DPYD: variants seen among roughly 807,000 people sequenced by gnomAD.
DPYD encodes the protein dihydropyrimidine dehydrogenase.
A neutral mutation model predicts 116.2 loss-of-function variants in DPYD; 109 were observed. The ratio of observed to expected loss-of-function variants is 0.94; its 90% CI spans 0.80 to 1.10. DPYD has a LOEUF of 1.10. Among genes scored for constraint, DPYD ranks in the 50% least tolerant of loss-of-function variants. The pLI is 0.00. For missense variants in DPYD, 1,302 were observed against 1,254.5 expected, an observed-to-expected ratio of 1.04 and a Z score of -0.57; for synonymous variants, 440 against 432.0, an observed-to-expected ratio of 1.02 and a Z score of -0.23.
In DPYD at chr1:97,116,946, C is replaced by T. The variant is rs567117203; in HGVS notation, c.2623-18314G>A. Among the ~76,000 whole-genome samples the T allele has an allele frequency of 3.1e-4, 45 of 145,514 alleles. No homozygotes were observed. In the South Asian group the frequency reaches 8.0e-3, roughly 26 times the overall value. ...GGTGGATCACCTGAGGTCAGGAGTT[C>T]GAGACCAGCCTAGCCAACATGGCGA... On this transcript the variant is annotated intron_variant, in intron 20 of 22. Transcript: ENST00000370192.
At chr1:97,826,493 A>G (rs1232613654) in intron 3 of DPYD, among the ~76,000 whole-genome samples, 1 of 152,024 alleles carries the variant, frequency 6.6e-6, no homozygotes, top group Non-Finnish European at 1.5e-5. Flanking sequence ...CTGTTTGTCT[A>G]TGTATTTACT....
chr1:97,254,605 G>A (rs1464394430), intron 18 of DPYD, among the ~76,000 whole-genome samples: 1 of 152,122 alleles, frequency 6.6e-6, no homozygotes, highest in Admixed American at 6.6e-5. Context: ...GCCAAAGGGT[G>A]TAAAATCCAG....
chr1:97,785,412 T>C (rs1441828961), intron 3 of DPYD, among the ~76,000 whole-genome samples: 1 of 152,178 alleles, frequency 6.6e-6, no homozygotes, highest in African/African-American at 2.4e-5. Flanking sequence ...ATGCATATTA[T>C]TCAATTTGAA....
In DPYD at chr1:97,515,831, A is replaced by G. The variant is rs759247778; in HGVS notation, c.1635T>C (p.Pro545=). Residue 545 remains proline (P), a synonymous_variant, in exon 13 of 23, where the codon CCT becomes CCC. Coordinates refer to ENST00000370192, the MANE Select transcript of DPYD (RefSeq NM_000110.4). The part of the protein sequence containing the change: ...VEMAGLKFIN[P]FGLASATPAT... ...CTGGAGTTGCGCTAGCAAGACCAAAAGGATTTATAAACTTCAATCCGGCCA... is the reference window on the plus strand; with the variant it reads ...CTGGAGTTGCGCTAGCAAGACCAAAGGGATTTATAAACTTCAATCCGGCCA... 5.2e-5 allele frequency: 84 copies of G among 1,612,928 alleles called. No individual in the cohort carries two copies. The highest frequency in any genetic ancestry group is 6.9e-5 in the Non-Finnish European group (81 of 1,179,324).
At chr1:97,084,374 A>G (rs900565912) in intron 21 of DPYD, among the ~76,000 whole-genome samples, 1 of 151,444 alleles carries the variant, frequency 6.6e-6, no homozygotes, top group Non-Finnish European at 1.5e-5. Context: ...CTTCATGAAG[A>G]TTTCCTTAAT....
intron 19 of DPYD, among the ~76,000 whole-genome samples, chr1:97,212,891 A>G (rs530304616): frequency 6.6e-6 from 1 of 152,288 alleles, no homozygotes; most frequent in Admixed American, 6.5e-5. Context: ...GACAGTAATA[A>G]CACCTGTCTT....
At chr1:97,466,676 T>A (rs1413286576) in intron 13 of DPYD, among the ~76,000 whole-genome samples, 1 of 152,020 alleles carries the variant, frequency 6.6e-6, no homozygotes, top group Non-Finnish European at 1.5e-5. Context: ...TGGGGCTAAA[T>A]GGGAAGTTAT....
chr1:97,110,232 G>A (rs1457580110), intron 20 of DPYD, among the ~76,000 whole-genome samples: 1 of 152,106 alleles, frequency 6.6e-6, no homozygotes, highest in Non-Finnish European at 1.5e-5. Flanking sequence ...TCTAGTACAT[G>A]CTATGCGCTG....
At chr1:97,716,638 T>C (rs2101014924) in intron 5 of DPYD, among the ~76,000 whole-genome samples, 1 of 152,210 alleles carries the variant, frequency 6.6e-6, no homozygotes, top group Middle Eastern at 3.4e-3. Flanking sequence ...ACCACACATA[T>C]GACACAATGT....
intron 8 of DPYD, among the ~76,000 whole-genome samples, chr1:97,659,035 G>A (rs1404573001): frequency 6.6e-6 from 1 of 151,936 alleles, no homozygotes; most frequent in Non-Finnish European, 1.5e-5. Context: ...GTTTTCTATG[G>A]CTCCCTCCCT....
chr1:97,314,896 C>G (rs1193817060), intron 16 of DPYD, among the ~76,000 whole-genome samples: 1 of 151,982 alleles, frequency 6.6e-6, no homozygotes, highest in Non-Finnish European at 1.5e-5. Context: ...CACTGAGCCT[C>G]TCAGGGGCAC....
At chr1:97,746,946 T>C (rs559385314) in intron 3 of DPYD, among the ~76,000 whole-genome samples, 4 of 151,942 alleles carry the variant, frequency 2.6e-5, no homozygotes, top group African/African-American at 4.8e-5. Context: ...GTGTGTGTTT[T>C]TTTTTTGTTG....
intron 16 of DPYD, among the ~76,000 whole-genome samples, chr1:97,367,766 C>A (rs1325191699): frequency 6.6e-6 from 1 of 152,094 alleles, no homozygotes; most frequent in Non-Finnish European, 1.5e-5. Context: ...ATCATACCTA[C>A]AATGAAGGCA....
intron 16 of DPYD, among the ~76,000 whole-genome samples, chr1:97,323,562 TATATACAC>T: frequency 9.1e-6 from 1 of 109,384 alleles, no homozygotes; most frequent in Non-Finnish European, 1.9e-5. Flanking sequence ...TATATGTGTA[TATATACAC>T]GTATATATAC....
chr1:97,197,637 G>A (rs79224290), intron 19 of DPYD, among the ~76,000 whole-genome samples: 1,706 of 152,294 alleles, frequency 0.011, 14 homozygotes, highest in Non-Finnish European at 0.018. Context: ...AGTAGACTCA[G>A]ACAAGGAGTG....
At chr1:97,225,955 C>T (rs1459541369) in intron 19 of DPYD, among the ~76,000 whole-genome samples, 3 of 151,990 alleles carry the variant, frequency 2.0e-5, no homozygotes, top group East Asian at 1.9e-4. Flanking sequence ...AAAGTATAGG[C>T]CGTATCTCTG....
At chr1:97,255,401 G>A (rs973210242) in intron 18 of DPYD, among the ~76,000 whole-genome samples, 6 of 152,112 alleles carry the variant, frequency 3.9e-5, no homozygotes, top group Admixed American at 1.3e-4. Context: ...GGGACCCAGT[G>A]GGAGGTAATT....
intron 18 of DPYD, among the ~76,000 whole-genome samples, chr1:97,264,968 A>G (rs1664137905): frequency 6.6e-6 from 1 of 150,628 alleles, no homozygotes; most frequent in Non-Finnish European, 1.5e-5. Context: ...AAAACTTTAT[A>G]GTTTTCAGTT....
Position 97,483,313 on chromosome 1 carries a change from C to T in DPYD, c.1740+32413G>A, listed in dbSNP as rs142613503. On this transcript the variant is annotated intron_variant, in intron 13 of 22. Coordinates refer to ENST00000370192, the MANE Select transcript of DPYD (RefSeq NM_000110.4). ...TTTATTTACTCGTTTCAGATGAGCA[C>T]GCTCTCCAGTTGCTTCCTGAGAAAG... Among the ~76,000 whole-genome samples the T allele has an allele frequency of 3.1e-3, 469 of 152,272 alleles. 4 individuals are homozygous for T. Among genetic ancestry groups the T allele is most frequent in the Non-Finnish European group, 5.3e-3 (359 of 68,030 alleles).
Sources: allele counts gnomAD v4.1 joint callset (sites outside exome capture counted in the v4.1 genomes callset), GRCh38; gene constraint gnomAD v4.1.1; transcripts MANE v1.5; gene names NCBI Gene and HGNC (gene_info 2026-07-23, HGNC 2026-07-21).